SEL1L2: variants seen among roughly 807,000 people sequenced by gnomAD.
The protein encoded by SEL1L2 is protein sel-1 homolog 2.
In SEL1L2, 89 loss-of-function variants were observed where a neutral mutation model predicts 98.8. The ratio of observed to expected loss-of-function variants is 0.90; its 90% CI spans 0.76 to 1.07. The LOEUF (loss-of-function observed/expected upper bound fraction) is 1.07, where lower values mean the gene tolerates loss of function less well. Ranked by LOEUF, SEL1L2 falls within the 50% of genes least tolerant of loss-of-function variation. The pLI is 0.00. For missense variants in SEL1L2, 788 were observed against 812.0 expected, an observed-to-expected ratio of 0.97 and a Z score of 0.36; for synonymous variants, 262 against 278.5, an observed-to-expected ratio of 0.94 and a Z score of 0.59.
At chr20:13,969,923 T>G (rs1374431284) in intron 1 of SEL1L2, among the ~76,000 whole-genome samples, 1 of 152,170 alleles carries the variant, frequency 6.6e-6, no homozygotes, top group Non-Finnish European at 1.5e-5. Flanking sequence ...TCTTGGTACA[T>G]CTTCAGGAAG....
At chr20:13,874,887 C>T (rs1429634503) in intron 12 of SEL1L2, among the ~76,000 whole-genome samples, 1 of 152,194 alleles carries the variant, frequency 6.6e-6, no homozygotes, top group Non-Finnish European at 1.5e-5. Context: ...ATGCTTCCTA[C>T]TGTGCAGGGT....
At chr20:13,925,485 A>G (rs1443966756) in intron 3 of SEL1L2, among the ~76,000 whole-genome samples, 1 of 152,240 alleles carries the variant, frequency 6.6e-6, no homozygotes, top group Non-Finnish European at 1.5e-5. Flanking sequence ...ATATTTGCCT[A>G]CGATGGCGGG....
chr20:13,943,545 G>C (rs1023294989), intron 2 of SEL1L2, among the ~76,000 whole-genome samples: 1 of 149,336 alleles, frequency 6.7e-6, no homozygotes, highest in Non-Finnish European at 1.5e-5. Flanking sequence ...GCTACTGATA[G>C]TTTCTGTTCA....
chr20:13,906,990 A>G (rs2047961960), intron 5 of SEL1L2, among the ~76,000 whole-genome samples: 1 of 152,204 alleles, frequency 6.6e-6, no homozygotes, highest in South Asian at 2.1e-4. Context: ...TATAATTTCA[A>G]TTTGAAATAA....
rs1317271644 is a variant in SEL1L2, at chr20:13,898,812, G to A, written c.550-10300C>T. On this transcript the variant is annotated intron_variant, in intron 5 of 19. Coordinates refer to ENST00000284951, the MANE Select transcript of SEL1L2 (RefSeq NM_025229.2). ...GGCTGGAGTACAATGGCCCGATCTC[G>A]GCTCACTGCAACCTCCGCCTCCCGG... Among the ~76,000 whole-genome samples the A allele has an allele frequency of 2.6e-5, 4 of 152,096 alleles. No homozygotes were observed. In the East Asian group the frequency reaches 7.7e-4, roughly 29 times the overall value.
At chr20:13,977,347 T>C (rs551437440) in intron 1 of SEL1L2, among the ~76,000 whole-genome samples, 1 of 152,222 alleles carries the variant, frequency 6.6e-6, no homozygotes, top group Non-Finnish European at 1.5e-5. Flanking sequence ...GAGATGGCTA[T>C]ACAGAGGAAG....
chr20:13,912,342 C>T (rs994347972), intron 5 of SEL1L2, among the ~76,000 whole-genome samples: 1 of 145,580 alleles, frequency 6.9e-6, no homozygotes, highest in Non-Finnish European at 1.5e-5. Flanking sequence ...CTGTCGCCCA[C>T]GTTGGAGTGC....
rs772725721 is a variant in SEL1L2 at position 13,877,640 on chromosome 20, A to C, written c.958-52T>G. On this transcript the variant is annotated intron_variant, in intron 10 of 19. Coordinates refer to ENST00000284951, the MANE Select transcript of SEL1L2 (RefSeq NM_025229.2). ...GCTAGTCACAAAATAAATCCTTCAAAATAGCTTTTTGAACCAAACTTTATT... is the reference window on the plus strand; with the variant it reads ...GCTAGTCACAAAATAAATCCTTCAACATAGCTTTTTGAACCAAACTTTATT... 2.7e-6 allele frequency: 4 copies of C among 1,471,624 alleles called. No individual in the cohort carries two copies. The South Asian group carries it at 4.6e-5, about 17-fold the overall frequency. 91.2% of individuals were successfully genotyped at this position (1,471,624 alleles called of 1,614,324 possible).
At chr20:13,928,394 C>T (rs1415794706) in intron 3 of SEL1L2, 2 of 152,192 alleles carry the variant, frequency 1.3e-5, no homozygotes, top group South Asian at 2.1e-4. Flanking sequence ...ACCCCAGGCC[C>T]TCGGCACACT....
chr20:13,941,830 A>G (rs750624344), intron 2 of SEL1L2, among the ~76,000 whole-genome samples: 9 of 152,306 alleles, frequency 5.9e-5, no homozygotes, highest in Middle Eastern at 3.4e-3. Context: ...ATCCCTCACA[A>G]ATGATAGATA....
At chr20:13,904,842 C>A (rs1247609907) in intron 5 of SEL1L2, among the ~76,000 whole-genome samples, 1 of 152,174 alleles carries the variant, frequency 6.6e-6, no homozygotes, top group African/African-American at 2.4e-5. Context: ...AATATACTGA[C>A]CTTTTTTAAA....
At position 13,926,800 on chromosome 20, in the gene SEL1L2, G is replaced by A. The variant is rs76384841; in HGVS notation, c.283+4803C>T. ...GCCTAGCTGGTCACAGGCCCCAGAA[G>A]CAGCAAAAAGGAATGCCAAGACTGA... On this transcript the variant is annotated intron_variant, in intron 3 of 19. Coordinates refer to ENST00000284951, the MANE Select transcript of SEL1L2 (RefSeq NM_025229.2). Among the ~76,000 whole-genome samples the A allele has an allele frequency of 2.7e-4, 41 of 152,282 alleles. No individual in the cohort carries two copies. In the East Asian group the frequency reaches 6.6e-3, roughly 24 times the overall value.
intron 5 of SEL1L2, among the ~76,000 whole-genome samples, chr20:13,906,202 C>T (rs999126978): frequency 2.0e-5 from 3 of 152,046 alleles, no homozygotes; most frequent in African/African-American, 7.2e-5. Flanking sequence ...CTGAACTTAA[C>T]CATTATGCTG....
intron 9 of SEL1L2, among the ~76,000 whole-genome samples, chr20:13,885,908 G>C (rs538894083): frequency 6.6e-6 from 1 of 152,012 alleles, no homozygotes; most frequent in African/African-American, 2.4e-5. Context: ...GGTGGTGTGG[G>C]CACCTGTAGT....
At chr20:13,983,523 T>G (rs2051979770) in intron 1 of SEL1L2, among the ~76,000 whole-genome samples, 2 of 151,974 alleles carry the variant, frequency 1.3e-5, no homozygotes, top group African/African-American at 4.8e-5. Flanking sequence ...TTTGTTTTTG[T>G]TTTTGTTTTT....
chr20:13,870,088 T>C, intron 13 of SEL1L2, 53 bp downstream of exon 13: 1 of 1,317,836 alleles, frequency 7.6e-7, no homozygotes, highest in Non-Finnish European at 1.1e-6. Flanking sequence ...TGACCATGAA[T>C]TTTACCCTGT....
intron 9 of SEL1L2, 48 bp downstream of exon 9, chr20:13,886,240 C>T (rs2147985763): frequency 7.0e-7 from 1 of 1,424,536 alleles, no homozygotes; most frequent in African/African-American, 1.4e-5. Flanking sequence ...AATTAAGCCC[C>T]TTGTAATTTT....
intron 5 of SEL1L2, among the ~76,000 whole-genome samples, chr20:13,907,700 C>CTCTCTCTT (rs1555879990): frequency 8.0e-6 from 1 of 125,556 alleles, no homozygotes; most frequent in Non-Finnish European, 1.6e-5. Flanking sequence ...TTCTTTCTTT[C>CTCTCTCTT]TCTTTCTTTC....
At chr20:13,958,640 A>C (rs2148457180) in intron 1 of SEL1L2, among the ~76,000 whole-genome samples, 1 of 152,210 alleles carries the variant, frequency 6.6e-6, no homozygotes, top group Non-Finnish European at 1.5e-5. Context: ...TGGTTCAAGA[A>C]GTTCTGCATA....
Sources: gnomAD v4.1 joint callset for allele counts (sites outside exome capture counted in the v4.1 genomes callset) on GRCh38, gnomAD v4.1.1 for gene constraint, MANE v1.5 for transcripts, NCBI Gene and HGNC (gene_info 2026-07-23, HGNC 2026-07-21) for gene names.